The following SCN2A variants were observed in gnomAD, a reference collection of about 807,000 sequenced individuals.
SCN2A encodes the protein sodium voltage-gated channel alpha subunit 2, also known as sodium channel protein type 2 subunit alpha.
SCN2A carries 20 observed loss-of-function variants against 188.7 expected under a neutral mutation model. That is an observed-to-expected ratio of 0.11 (90% CI 0.07 to 0.15). SCN2A has a LOEUF of 0.15. SCN2A is among the 10% of genes least tolerant of loss of function. The pLI is 1.00. For missense variants in SCN2A, 1,278 were observed against 2,445.0 expected (o/e 0.52, Z 10.07); for synonymous variants, 804 against 833.1 (o/e 0.97, Z 0.60).
At chr2:165,265,895 C>T (rs1260159816) in intron 1 of SCN2A, among the ~76,000 whole-genome samples, 1 of 151,258 alleles carries the variant, frequency 6.6e-6, no homozygotes, top group Non-Finnish European at 1.5e-5. Flanking sequence ...AATCATAGCT[C>T]ATTGCAGTCT....
chr2:165,345,497 T>C (rs1202873279), intron 16 of SCN2A, among the ~76,000 whole-genome samples: 1 of 152,188 alleles, frequency 6.6e-6, no homozygotes, highest in Non-Finnish European at 1.5e-5. Context: ...TTTTAATCTT[T>C]GTTGGTTTAA....
At chr2:165,252,528 T>C (rs1400785311) in intron 1 of SCN2A, among the ~76,000 whole-genome samples, 3 of 152,110 alleles carry the variant, frequency 2.0e-5, no homozygotes, top group Non-Finnish European at 4.4e-5. Flanking sequence ...TAATTTTTTA[T>C]TTAAAAAAGA....
intron 3 of SCN2A, among the ~76,000 whole-genome samples, chr2:165,301,089 G>A (rs147785126): frequency 2.0e-4 from 30 of 152,312 alleles, no homozygotes; most frequent in Non-Finnish European, 3.7e-4. Flanking sequence ...GACTAAGGAT[G>A]ATTCCAAGCA....
chr2:165,273,184 A>G (rs758983798), intron 1 of SCN2A: 2 of 152,182 alleles, frequency 1.3e-5, no homozygotes, highest in Admixed American at 6.5e-5. Flanking sequence ...TTTTCATCCA[A>G]TGAAGTACTA....
chr2:165,391,943 G>A lies in SCN2A; in HGVS notation c.*2119G>A, dbSNP rs1702137695. ...TTCTTTATACTGAAGCTATTGACTT[G>A]TAGTGTGTTGGTGAAATGCATGCAG... On this transcript the variant is annotated 3_prime_UTR_variant, in exon 27 of 27. Transcript: ENST00000375437. The A allele has an allele frequency of 6.6e-6, 1 of 152,542 alleles. No homozygotes were observed. Among genetic ancestry groups the A allele is most frequent in the South Asian group, 2.1e-4 (1 of 4,832 alleles). 9.4% of individuals were successfully genotyped at this position (152,542 alleles called of 1,614,324 possible). A position where few individuals can be genotyped will look rare whatever the true frequency, so the allele number is the denominator to read the frequency against.
chr2:165,364,783 AAACT>A (rs1181310934), intron 17 of SCN2A, among the ~76,000 whole-genome samples: 2 of 152,222 alleles, frequency 1.3e-5, no homozygotes, highest in Non-Finnish European at 2.9e-5. Flanking sequence ...AGAATAAAAC[AAACT>A]ATTTGAAAAC....
chr2:165,312,627 GTGA>G (rs1230390006), intron 8 of SCN2A, among the ~76,000 whole-genome samples: 4 of 152,044 alleles, frequency 2.6e-5, no homozygotes, highest in African/African-American at 4.8e-5. Context: ...TAGGGTTTTT[GTGA>G]TGATGAAGTG....
intron 1 of SCN2A, among the ~76,000 whole-genome samples, chr2:165,278,709 A>T (rs1695453686): frequency 6.6e-6 from 1 of 152,150 alleles, no homozygotes; most frequent in Non-Finnish European, 1.5e-5. Flanking sequence ...AGGCCAAGGC[A>T]GGGGGATTAC....
intron 16 of SCN2A, among the ~76,000 whole-genome samples, chr2:165,347,072 C>A (rs956814177): frequency 2.6e-5 from 4 of 152,104 alleles, no homozygotes; most frequent in Admixed American, 2.0e-4. Context: ...TACCATTTGA[C>A]CCAGGAATCC....
At chr2:165,365,065 G>C in intron 17 of SCN2A, 78 bp from the exon 18 acceptor site, 1 of 1,285,844 alleles carries the variant, frequency 7.8e-7, no homozygotes, top group Non-Finnish European at 1.1e-6. Flanking sequence ...AAGATGGGGG[G>C]GGGGCACACC....
chr2:165,249,956 T>C (rs1376999533), intron 1 of SCN2A, among the ~76,000 whole-genome samples: 1 of 152,008 alleles, frequency 6.6e-6, no homozygotes, highest in Non-Finnish European at 1.5e-5. Flanking sequence ...TTCAGAAATG[T>C]ATATAAACTT....
chr2:165,343,865 G>A (rs1034187616), intron 15 of SCN2A, among the ~76,000 whole-genome samples: 2 of 152,078 alleles, frequency 1.3e-5, no homozygotes, highest in African/African-American at 2.4e-5. Flanking sequence ...TTAAAATATA[G>A]CCTAAAGTTA....
rs778577895 is a variant in SCN2A, at chr2:165,354,690, G to A, written c.3399+19G>A. The A allele has an allele frequency of 1.9e-6, 3 of 1,610,428 alleles. No individual in the cohort carries two copies. ...CAAAGAGGTAAAAATGTTTAAATAA[G>A]GAGATATTTTGGTGTTATATAATTC... On this transcript the variant is annotated intron_variant, in intron 17 of 26. Transcript: ENST00000375437.
intron 3 of SCN2A, among the ~76,000 whole-genome samples, chr2:165,304,681 A>G (rs757058895): frequency 2.3e-4 from 35 of 152,188 alleles, no homozygotes; most frequent in Non-Finnish European, 4.7e-4. Context: ...GTACTAAAGA[A>G]AAAGAGAGGT....
rs1413311498 is a variant in SCN2A, at chr2:165,351,610, C to T, written c.2920-2582C>T. On this transcript the variant is annotated intron_variant, in intron 16 of 26. Coordinates refer to ENST00000375437, the MANE Select transcript of SCN2A (RefSeq NM_001040142.2). The stretch of plus-strand genomic sequence containing the variant: ...AGCTTCTCTACTTATTAACTGTGGT[C>T]TTGGACAAGTCATGTAAGTTGTGCA... Among the ~76,000 whole-genome samples the T allele has an allele frequency of 2.0e-5, 3 of 151,726 alleles. No homozygotes were observed. The East Asian group carries it at 5.8e-4, about 29-fold the overall frequency.
At chr2:165,353,496 TA>T (rs1405490803) in intron 16 of SCN2A, among the ~76,000 whole-genome samples, 2 of 152,196 alleles carry the variant, frequency 1.3e-5, no homozygotes, top group Non-Finnish European at 2.9e-5. Context: ...CTTGCATTGT[TA>T]CAGATAAATA....
chr2:165,354,793 A>G, intron 17 of SCN2A, 122 bp downstream of exon 17: 1 of 969,802 alleles, frequency 1.0e-6, no homozygotes, highest in Non-Finnish European at 1.5e-6. Flanking sequence ...CTGTCTAGCA[A>G]TATATTTTCC....
intron 17 of SCN2A, among the ~76,000 whole-genome samples, chr2:165,356,475 C>A (rs904321792): frequency 2.6e-5 from 4 of 152,036 alleles, no homozygotes; most frequent in African/African-American, 9.7e-5. Flanking sequence ...AAATAGAATT[C>A]GGTCATTTGA....
At chr2:165,303,118 AATAAT>A (rs1696910919) in intron 3 of SCN2A, among the ~76,000 whole-genome samples, 1 of 152,168 alleles carries the variant, frequency 6.6e-6, no homozygotes, top group African/African-American at 2.4e-5. Flanking sequence ...ACATTTAAAA[AATAAT>A]ATAGGATGTA....
Sources: allele counts gnomAD v4.1 joint callset (sites outside exome capture counted in the v4.1 genomes callset), GRCh38; gene constraint gnomAD v4.1.1; transcripts MANE v1.5; gene names NCBI Gene and HGNC (gene_info 2026-07-23, HGNC 2026-07-21).